The following AGBL1 variants were observed in gnomAD, a reference collection of about 807,000 sequenced individuals.
The protein encoded by AGBL1 is AGBL carboxypeptidase 1.
Under a neutral mutation model 118.9 loss-of-function variants are expected in AGBL1, and 130 were observed. That is an observed-to-expected ratio of 1.09 (90% confidence interval 0.95 to 1.26). The LOEUF is 1.26. Ranked by LOEUF, AGBL1 falls within the 50% of genes most tolerant of loss-of-function variation. AGBL1 has a pLI of 0.00. For missense variants in AGBL1, 1,584 were observed against 1,298.1 expected (o/e 1.22, Z -3.38); for synonymous variants, 555 against 478.9 (o/e 1.16, Z -2.08).
At position 86,266,956 on chromosome 15, in the gene AGBL1, C is replaced by T. The variant is rs759506439; in HGVS notation, c.1752-34C>T. On this transcript the variant is annotated intron_variant, in intron 12 of 22. Coordinates refer to ENST00000614907, the MANE Select transcript of AGBL1 (RefSeq NM_001386094.1). ...CACTGTTTTCAAAGAGTAGTGATAA[C>T]ACATATGTTCACATGTTCCTTATTT... 5 of 1,423,884 alleles carry T rather than the reference C, an allele frequency of 3.5e-6. No homozygotes were observed. The South Asian group carries it at 4.9e-5, about 14-fold the overall frequency. 88.2% of individuals were successfully genotyped at this position (1,423,884 alleles called of 1,614,324 possible).
intron 21 of AGBL1, among the ~76,000 whole-genome samples, chr15:86,631,409 A>T (rs77454952): frequency 6.6e-6 from 1 of 152,266 alleles, no homozygotes; most frequent in African/African-American, 2.4e-5. Flanking sequence ...TAACAGCATA[A>T]GTCAAAGATA....
chr15:86,141,614 G>A (rs2076964698), intron 1 of AGBL1, among the ~76,000 whole-genome samples: 1 of 152,098 alleles, frequency 6.6e-6, no homozygotes, highest in Admixed American at 6.5e-5. Context: ...TCGCACCACT[G>A]CACCCCCGCC....
chr15:86,456,734 T>C (rs907738232), intron 18 of AGBL1, among the ~76,000 whole-genome samples: 2 of 152,222 alleles, frequency 1.3e-5, no homozygotes, highest in Admixed American at 1.3e-4. Context: ...CAATTTAATG[T>C]ATTTCATGAC....
chr15:86,139,171 C>T (rs1417929455), intron 1 of AGBL1, among the ~76,000 whole-genome samples: 1 of 152,112 alleles, frequency 6.6e-6, no homozygotes, highest in Non-Finnish European at 1.5e-5. Flanking sequence ...CCAAGACTGC[C>T]CTTGTTAGCC....
chr15:86,233,253 T>A (rs2078485228), intron 6 of AGBL1, among the ~76,000 whole-genome samples: 1 of 152,234 alleles, frequency 6.6e-6, no homozygotes. Context: ...GACTTTAAAC[T>A]AGTTCTTTGC....
At chr15:86,161,957 G>A (rs73443474) in intron 5 of AGBL1, among the ~76,000 whole-genome samples, 38 of 152,282 alleles carry the variant, frequency 2.5e-4, no homozygotes, top group Admixed American at 1.4e-3. Context: ...TAAAGACATC[G>A]TGTGCTTTGA....
intron 23 of AGBL1, among the ~76,000 whole-genome samples, chr15:86,942,935 C>T (rs2080772997): frequency 6.6e-6 from 1 of 152,202 alleles, no homozygotes; most frequent in Admixed American, 6.5e-5. Context: ...ACTGCAGGCA[C>T]ATTGTACCTG....
intron 24 of AGBL1, among the ~76,000 whole-genome samples, chr15:86,997,561 GA>G (rs1441255129): frequency 1.3e-5 from 2 of 152,050 alleles, no homozygotes; most frequent in African/African-American, 2.4e-5. Flanking sequence ...TTTGAAAACA[GA>G]AAAAAGCACA....
At chr15:86,697,350 C>T (rs1268436728) in intron 22 of AGBL1, among the ~76,000 whole-genome samples, 1 of 151,804 alleles carries the variant, frequency 6.6e-6, no homozygotes, top group Non-Finnish European at 1.5e-5. Flanking sequence ...TGTCTTCCAG[C>T]TCTGAATTCC....
chr15:86,778,242 G>C (rs937432380), intron 22 of AGBL1, among the ~76,000 whole-genome samples: 3 of 152,128 alleles, frequency 2.0e-5, no homozygotes, highest in Non-Finnish European at 2.9e-5. Flanking sequence ...AATGGAGGCA[G>C]GGCGAGATCA....
chr15:86,704,104 T>C (rs79865862), intron 22 of AGBL1, among the ~76,000 whole-genome samples: 1 of 152,296 alleles, frequency 6.6e-6, no homozygotes, highest in African/African-American at 2.4e-5. Flanking sequence ...AAACTGAAAC[T>C]GGACCCCTTC....
intron 17 of AGBL1, among the ~76,000 whole-genome samples, chr15:86,332,332 T>C (rs2080283616): frequency 6.6e-6 from 1 of 152,080 alleles, no homozygotes; most frequent in Non-Finnish European, 1.5e-5. Context: ...CTGACAGTGT[T>C]AGATCATTGA....
At chr15:86,632,102 A>G (rs62031358) in intron 21 of AGBL1, among the ~76,000 whole-genome samples, 2 of 151,038 alleles carry the variant, frequency 1.3e-5, no homozygotes, top group Non-Finnish European at 2.9e-5. Flanking sequence ...CTGTCTCCAC[A>G]ATTTTTTTTT....
intron 5 of AGBL1, among the ~76,000 whole-genome samples, chr15:86,182,553 A>G (rs1265395728): frequency 1.3e-5 from 2 of 152,160 alleles, no homozygotes; most frequent in Admixed American, 6.5e-5. Flanking sequence ...ATGCAAATCA[A>G]GTACTTCCAA....
intron 24 of AGBL1, among the ~76,000 whole-genome samples, chr15:87,010,846 C>A (rs1360125417): frequency 1.3e-5 from 2 of 152,152 alleles, no homozygotes; most frequent in Non-Finnish European, 2.9e-5. Context: ...ACATACTTAC[C>A]TACCCACCTA....
chr15:86,690,806 T>A lies in AGBL1; in HGVS notation c.3158+16370T>A, dbSNP rs1055264675. Among the ~76,000 whole-genome samples the A allele has an allele frequency of 8.5e-5, 13 of 152,082 alleles. 1 individual carries two copies. The highest frequency in any genetic ancestry group is 3.1e-4 in the African/African-American group (13 of 41,428). ...TGCTTGCTGAGAGGGTACTGTCCAA[T>A]AGCATGGGTGCTGAATTGTTAGTCT... On this transcript the variant is annotated intron_variant, in intron 22 of 22. Transcript: ENST00000614907.
At chr15:86,503,032 G>C (rs566223978) in intron 18 of AGBL1, among the ~76,000 whole-genome samples, 1 of 151,568 alleles carries the variant, frequency 6.6e-6, no homozygotes, top group South Asian at 2.1e-4. Context: ...CACCACTGAG[G>C]CCATGCAGAA....
chr15:86,992,592 G>A (rs1233662698), intron 24 of AGBL1, among the ~76,000 whole-genome samples: 3 of 152,102 alleles, frequency 2.0e-5, no homozygotes, highest in Admixed American at 6.6e-5. Flanking sequence ...TGCACTTAGC[G>A]GAAGTGTCAC....
intron 21 of AGBL1, among the ~76,000 whole-genome samples, chr15:86,593,090 A>C (rs1214582938): frequency 6.6e-6 from 1 of 152,142 alleles, no homozygotes; most frequent in Non-Finnish European, 1.5e-5. Flanking sequence ...AATGGGTTAT[A>C]GTCTACCAGT....
Sources: gnomAD v4.1 joint callset for allele counts (sites outside exome capture counted in the v4.1 genomes callset) on GRCh38, gnomAD v4.1.1 for gene constraint, MANE v1.5 for transcripts, NCBI Gene and HGNC (gene_info 2026-07-23, HGNC 2026-07-21) for gene names.